NBPF12: variants seen among roughly 807,000 people sequenced by gnomAD.
NBPF12 encodes the protein NBPF family member NBPF12.
Under a neutral mutation model 146.4 loss-of-function variants are expected in NBPF12, and 115 were observed. The ratio of observed to expected loss-of-function variants is 0.79; its 90% CI spans 0.68 to 0.92. The LOEUF (loss-of-function observed/expected upper bound fraction) is 0.92, where lower values mean the gene tolerates loss of function less well. Among genes scored for constraint, NBPF12 ranks in the 40% least tolerant of loss-of-function variants. NBPF12 has a pLI of 0.00. For missense variants in NBPF12, 1,205 were observed against 1,326.8 expected (o/e 0.91, Z 1.43); for synonymous variants, 385 against 508.9 (o/e 0.76, Z 3.28).
At position 146,961,846 on chromosome 1, in the gene NBPF12, G is replaced by A. The variant is rs1449389978; in HGVS notation, c.176-315G>A. Among the ~76,000 whole-genome samples, 116 of 152,122 alleles carry A rather than the reference G, an allele frequency of 7.6e-4. 3 individuals carry two copies. Among genetic ancestry groups the A allele is most frequent in the Admixed American group, 3.9e-4 (6 of 15,290 alleles). On this transcript the variant is annotated intron_variant, in intron 4 of 33. Transcript: ENST00000617844. ...AGTGTTTTAGAGGAGAGGCTGCAAG[G>A]CTTGGGAAAGTGGCCCCGCATTCAG...
upstream of NBPF12, among the ~76,000 whole-genome samples, chr1:146,946,129 A>T (rs1655053007): frequency 6.6e-6 from 1 of 151,942 alleles, no homozygotes; most frequent in Non-Finnish European, 1.5e-5. Flanking sequence ...TTGTTTTGTA[A>T]AATCACTGAA....
At chr1:146,946,149 A>G (rs1436050433), upstream of NBPF12, among the ~76,000 whole-genome samples, 2 of 151,808 alleles carry the variant, frequency 1.3e-5, no homozygotes, top group African/African-American at 4.9e-5. Context: ...ATCAGATTTC[A>G]TTGTATGGCT....
At chr1:146,982,703 C>G (rs1657471050) in intron 19 of NBPF12, among the ~76,000 whole-genome samples, 2 of 150,660 alleles carry the variant, frequency 1.3e-5, no homozygotes, top group African/African-American at 4.9e-5. Context: ...GTTGGCTCAT[C>G]TGTGGCAAAT....
intron 14 of NBPF12, among the ~76,000 whole-genome samples, chr1:146,974,043 C>T (rs1656831234): frequency 6.6e-6 from 1 of 150,862 alleles, no homozygotes; most frequent in Admixed American, 6.6e-5. Flanking sequence ...ATACCTACCT[C>T]TGTAAATTGC....
exon 34 of NBPF12, chr1:146,994,470 G>A: frequency 6.2e-7 from 1 of 1,610,552 alleles, no homozygotes; most frequent in Non-Finnish European, 8.5e-7. Context: ...ACTCATTTGA[G>A]GAACAGCACA....
At chr1:146,980,593 G>T (rs1299556749) in intron 19 of NBPF12, among the ~76,000 whole-genome samples, 3 of 151,904 alleles carry the variant, frequency 2.0e-5, no homozygotes, top group Non-Finnish European at 2.9e-5. Flanking sequence ...GGCTGGATAT[G>T]AAATTCTTGG....
chr1:146,947,177 T>C (rs1655112649), upstream of NBPF12, among the ~76,000 whole-genome samples: 1 of 151,734 alleles, frequency 6.6e-6, no homozygotes, highest in Non-Finnish European at 1.5e-5. Flanking sequence ...TAGTAAAACT[T>C]GGAAATGTGT....
At chr1:146,984,830 T>C (rs1214099039) in exon 22 of NBPF12, 3 of 1,534,278 alleles carry the variant, frequency 2.0e-6, no homozygotes, top group African/African-American at 1.4e-5. Flanking sequence ...AGGGAGCTGC[T>C]GGCTGAGAAA....
exon 22 of NBPF12, chr1:146,984,872 G>A (rs1175359460): frequency 1.9e-6 from 3 of 1,569,070 alleles, no homozygotes; most frequent in Non-Finnish European, 2.6e-6. Flanking sequence ...TCACTGGATA[G>A]ATGTTATTCA....
chr1:146,938,895 G>C (rs1178563161), exon 1 of NBPF12: 1 of 152,152 alleles, frequency 6.6e-6, no homozygotes, highest in African/African-American at 2.4e-5. Flanking sequence ...GACCTGCGGC[G>C]CCAGGAGCGG....
rs1278315921 is a variant in NBPF12 at position 146,973,676 on chromosome 1, T to A, written c.1801+716T>A. ...GGTGGCAGGTGACTGTAATCACCCC[T>A]GCTCAGGAGGCTGAGGCAGTAGAAT... On this transcript the variant is annotated intron_variant, in intron 14 of 33. Coordinates refer to ENST00000617844, the Ensembl canonical transcript of NBPF12. 1.6e-3 allele frequency among the ~76,000 whole-genome samples: 233 copies of A among 148,686 alleles called. 3 individuals are homozygous for A. Among genetic ancestry groups the A allele is most frequent in the Non-Finnish European group, 2.8e-3 (190 of 67,712 alleles).
At chr1:146,948,284 A>G (rs1368195840), upstream of NBPF12, among the ~76,000 whole-genome samples, 2 of 152,082 alleles carry the variant, frequency 1.3e-5, no homozygotes, top group Admixed American at 1.3e-4. Context: ...TGCTAGGATT[A>G]CAGATATGAG....
chr1:146,957,714 C>T lies in NBPF12; in HGVS notation c.-183-2145C>T, dbSNP rs1655655639. 2.2e-5 allele frequency: 3 copies of T among 133,714 alleles called. 1 individual carries two copies. The allele number at this position is 133,714 out of a possible 1,614,324, so 8.3% of individuals were successfully genotyped here. A position where few individuals can be genotyped will look rare whatever the true frequency, so the allele number is the denominator to read the frequency against. On this transcript the variant is annotated intron_variant, in intron 2 of 33. Transcript: ENST00000617844. ...GCAGGGGCTCCTCTGGTCGCTGCTG[C>T]TGGGGCCGCCTGGGCTGGCAGGTGG... is the stretch of plus-strand genomic sequence containing the variant.
intron 8 of NBPF12, among the ~76,000 whole-genome samples, chr1:146,965,320 T>C (rs1656116080): frequency 6.6e-6 from 1 of 151,210 alleles, no homozygotes; most frequent in Non-Finnish European, 1.5e-5. Flanking sequence ...GAGTATATGG[T>C]GAAACCCATC....
In NBPF12 at chr1:146,971,467, T is replaced by G; in HGVS notation, c.1591+73T>G. On this transcript the variant is annotated intron_variant, in intron 13 of 33. Coordinates refer to ENST00000617844, the Ensembl canonical transcript of NBPF12. ...AGATCAATTCTGAGGACAGGCTGTA[T>G]ATACACATATTGTTATTGTTTTAGT... 2.5e-6 allele frequency: 3 copies of G among 1,194,866 alleles called. No individual in the cohort carries two copies. The South Asian group carries it at 3.8e-5, about 15-fold the overall frequency. 74.0% of individuals were successfully genotyped at this position (1,194,866 alleles called of 1,614,324 possible).
At chr1:146,947,021 C>T (rs1463607529), upstream of NBPF12, among the ~76,000 whole-genome samples, 8 of 151,870 alleles carry the variant, frequency 5.3e-5, no homozygotes, top group South Asian at 1.5e-3. Flanking sequence ...TATTCTTTTC[C>T]ATGCATCTAT....
In NBPF12 at chr1:146,969,611, G is replaced by A. The variant is rs1288957398; in HGVS notation, c.1306+15G>A. Reference sequence around the variant, plus strand: ...GCTCAGCCCAGGTAAGGTGGCCACAGGCCCTGATGACCCAAAACCCCAGGC... The same window carrying A: ...GCTCAGCCCAGGTAAGGTGGCCACAAGCCCTGATGACCCAAAACCCCAGGC... On this transcript the variant is annotated intron_variant, in intron 11 of 33. Coordinates refer to ENST00000617844, the Ensembl canonical transcript of NBPF12. 2 of 1,609,774 alleles carry A rather than the reference G, an allele frequency of 1.2e-6. No homozygotes were observed. The highest frequency in any genetic ancestry group is 1.7e-6 in the Non-Finnish European group (2 of 1,178,910).
rs1426812936 is a variant in NBPF12, at chr1:146,969,690, G to A, written c.1306+94G>A. 1.4e-5 allele frequency: 21 copies of A among 1,550,654 alleles called. 1 individual carries two copies. The highest frequency in any genetic ancestry group is 3.4e-5 in the Admixed American group (2 of 58,414). On this transcript the variant is annotated intron_variant, in intron 11 of 33. Transcript: ENST00000617844. ...TCACAATGACAGTTGTATCAGTGGG[G>A]TTTTTTTCTACTACACATGTGTGGC... is the stretch of plus-strand genomic sequence containing the variant.
chr1:146,940,111 G>A (rs1654730703), intron 1 of NBPF12, among the ~76,000 whole-genome samples: 1 of 152,030 alleles, frequency 6.6e-6, no homozygotes. Flanking sequence ...TGTGCTGGTG[G>A]TTTTTAATCT....
Sources: allele counts gnomAD v4.1 joint callset (sites outside exome capture counted in the v4.1 genomes callset), GRCh38; gene constraint gnomAD v4.1.1; transcripts MANE v1.5; gene names NCBI Gene and HGNC (gene_info 2026-07-23, HGNC 2026-07-21).